The following CCDC178 variants were observed in gnomAD, a reference collection of about 807,000 sequenced individuals.
CCDC178 encodes the protein coiled-coil domain-containing protein 178.
A neutral mutation model predicts 117.4 loss-of-function variants in CCDC178; 126 were observed. The ratio of observed to expected loss-of-function variants is 1.07; its 90% CI spans 0.93 to 1.24. The LOEUF (loss-of-function observed/expected upper bound fraction) is 1.24. CCDC178 is among the 50% of genes most tolerant of loss of function. The pLI is 0.00. For synonymous variants in CCDC178, 283 were observed against 313.4 expected (o/e 0.90, Z 1.02); for missense variants, 1,030 against 986.9 (o/e 1.04, Z -0.59).
At chr18:33,128,111 T>C (rs1477051337) in intron 20 of CCDC178, among the ~76,000 whole-genome samples, 1 of 152,186 alleles carries the variant, frequency 6.6e-6, no homozygotes, top group Non-Finnish European at 1.5e-5. Flanking sequence ...TTTCTGGCAA[T>C]GAGCAGGAAG....
At chr18:33,115,628 G>A (rs1034968180) in intron 20 of CCDC178, among the ~76,000 whole-genome samples, 1 of 151,854 alleles carries the variant, frequency 6.6e-6, no homozygotes, top group Admixed American at 6.6e-5. Context: ...TACTTTACCT[G>A]TATGTCTAAA....
At chr18:33,054,506 C>T (rs1026116672) in intron 21 of CCDC178, among the ~76,000 whole-genome samples, 6 of 152,278 alleles carry the variant, frequency 3.9e-5, no homozygotes, top group African/African-American at 1.4e-4. Context: ...CCACTTACAA[C>T]TGAGAACATG....
chr18:33,431,148 C>T (rs1038361822), intron 2 of CCDC178, among the ~76,000 whole-genome samples: 2 of 146,600 alleles, frequency 1.4e-5, no homozygotes, highest in South Asian at 4.2e-4. Flanking sequence ...GTCCTCAAAA[C>T]CAAAAGAATG....
chr18:33,027,160 T>C (rs866719668), intron 21 of CCDC178, among the ~76,000 whole-genome samples: 3 of 151,776 alleles, frequency 2.0e-5, no homozygotes, highest in African/African-American at 4.8e-5. Flanking sequence ...AACATAATAA[T>C]TTGATTTTGA....
At chr18:33,426,120 G>A (rs2064121336) in intron 2 of CCDC178, among the ~76,000 whole-genome samples, 1 of 152,154 alleles carries the variant, frequency 6.6e-6, no homozygotes, top group Middle Eastern at 3.2e-3. Flanking sequence ...AGACTTAACT[G>A]AATTATTCTC....
At chr18:33,270,948 T>C (rs895555348) in intron 12 of CCDC178, among the ~76,000 whole-genome samples, 1 of 151,532 alleles carries the variant, frequency 6.6e-6, no homozygotes, top group South Asian at 2.1e-4. Flanking sequence ...ATATAATTTA[T>C]ACAATAGCAA....
Position 32,988,242 on chromosome 18 carries a change from C to G in CCDC178, c.2389-13561G>C, listed in dbSNP as rs2055310116. On this transcript the variant is annotated intron_variant, in intron 21 of 22. Transcript: ENST00000383096. Reference sequence around the variant, plus strand: ...ACTGAGGTCAGGGGTTCAAGACCAGCCTGGCCAACACGGTGAAACCCCGTC... The same window carrying G: ...ACTGAGGTCAGGGGTTCAAGACCAGGCTGGCCAACACGGTGAAACCCCGTC... Among the ~76,000 whole-genome samples, 4 of 152,030 alleles carry G rather than the reference C, an allele frequency of 2.6e-5. No homozygotes were observed. The South Asian group carries it at 8.3e-4, about 32-fold the overall frequency.
rs952260879 is a variant in CCDC178, at chr18:33,108,547, GAC to G, written c.2239-15639_2239-15638del. Among the ~76,000 whole-genome samples the G allele has an allele frequency of 2.0e-5, 3 of 151,582 alleles. No individual in the cohort carries two copies. The Admixed American group carries it at 2.0e-4, about 10-fold the overall frequency. On this transcript the variant is annotated intron_variant, in intron 20 of 22. Coordinates refer to ENST00000383096, the MANE Select transcript of CCDC178 (RefSeq NM_001105528.4). Reference sequence around the variant, plus strand: ...AGATTTGTTTGTGTCAACTATAACAGACAGACTAAACCATTATCCCTCCCTTA... The same window carrying G: ...AGATTTGTTTGTGTCAACTATAACAGAGACTAAACCATTATCCCTCCCTTA...
chr18:33,131,449 A>G (rs1328503646), intron 20 of CCDC178, among the ~76,000 whole-genome samples: 1 of 151,806 alleles, frequency 6.6e-6, no homozygotes, highest in Non-Finnish European at 1.5e-5. Flanking sequence ...AATAAAAGTG[A>G]CAATTTCAAA....
At chr18:33,405,530 G>C (rs1326513610) in intron 3 of CCDC178, among the ~76,000 whole-genome samples, 1 of 151,760 alleles carries the variant, frequency 6.6e-6, no homozygotes, top group East Asian at 1.9e-4. Context: ...ATGACAATTA[G>C]ATAATACATT....
intron 14 of CCDC178, among the ~76,000 whole-genome samples, chr18:33,262,883 A>G (rs1173728045): frequency 6.6e-6 from 1 of 152,230 alleles, no homozygotes; most frequent in East Asian, 1.9e-4. Flanking sequence ...ACTGCAAAAA[A>G]TGAGAGGAGG....
At chr18:33,068,156 C>A (rs1028873983) in intron 21 of CCDC178, among the ~76,000 whole-genome samples, 2 of 151,884 alleles carry the variant, frequency 1.3e-5, no homozygotes, top group Non-Finnish European at 2.9e-5. Flanking sequence ...TAATGAGTAA[C>A]AAGGTTGAAT....
At chr18:32,949,729 G>A (rs1777988242) in intron 22 of CCDC178, among the ~76,000 whole-genome samples, 1 of 151,952 alleles carries the variant, frequency 6.6e-6, no homozygotes, top group Non-Finnish European at 1.5e-5. Context: ...TCTCCTAATT[G>A]GTTGTACTTT....
At position 33,310,235 on chromosome 18, in the gene CCDC178, A is replaced by T. The variant is rs371226319; in HGVS notation, c.1022+13256T>A. On this transcript the variant is annotated intron_variant, in intron 11 of 22. Transcript: ENST00000383096. ...CGGCCTCCCAAAATGCTGGGATTAC[A>T]GGTGTGCACCACGCCTGGACAATGA... Among the ~76,000 whole-genome samples, 23 of 152,294 alleles carry T rather than the reference A, an allele frequency of 1.5e-4. 1 individual carries two copies. Among genetic ancestry groups the T allele is most frequent in the Admixed American group, 5.9e-4 (9 of 15,294 alleles).
At chr18:33,094,467 T>C (rs910149120) in intron 20 of CCDC178, among the ~76,000 whole-genome samples, 5 of 151,960 alleles carry the variant, frequency 3.3e-5, no homozygotes, top group Non-Finnish European at 7.4e-5. Flanking sequence ...GGCATCATTT[T>C]GAATTTTTTG....
intron 21 of CCDC178, among the ~76,000 whole-genome samples, chr18:33,030,919 G>C (rs1341570168): frequency 6.6e-6 from 1 of 152,130 alleles, no homozygotes; most frequent in Non-Finnish European, 1.5e-5. Context: ...GCATGGCTCA[G>C]TCCAAGCCTG....
At chr18:33,394,949 A>ATATC (rs2063613803) in intron 4 of CCDC178, among the ~76,000 whole-genome samples, 1 of 75,950 alleles carries the variant, frequency 1.3e-5, no homozygotes, top group African/African-American at 5.3e-5. Flanking sequence ...ATGTGTATAT[A>ATATC]TATATATATA....
In CCDC178 at chr18:33,223,197, T is replaced by C. The variant is rs1212933350; in HGVS notation, c.1841A>G (p.Gln614Arg). Residue 614 changes from glutamine (Q) to arginine (R), a missense_variant, in exon 18 of 23, where the codon CAG becomes CGG. By Grantham distance (43) the Gln-to-Arg change is conservative. Coordinates refer to ENST00000383096, the MANE Select transcript of CCDC178 (RefSeq NM_001105528.4). ...CACCTTTCTTCTAATAAGATCTTTC[T>C]GATCAATTATATTATTAAGCATCTA... ...HSVMLNNIID[Q>R]KDLIRRKVGK... is the part of the protein sequence containing the mutation. 2 of 1,603,604 alleles carry C rather than the reference T, an allele frequency of 1.2e-6. No individual in the cohort carries two copies. The highest frequency in any genetic ancestry group is 1.7e-6 in the Non-Finnish European group (2 of 1,175,010).
At position 33,344,721 on chromosome 18, in the gene CCDC178, CAG is replaced by C. The variant is rs538471810; in HGVS notation, c.658+1488_658+1489del. Among the ~76,000 whole-genome samples the C allele has an allele frequency of 3.8e-4, 58 of 151,242 alleles. 1 individual carries two copies. Among genetic ancestry groups the C allele is most frequent in the Non-Finnish European group, 7.4e-4 (50 of 67,878 alleles). ...TGTGCATGACTCCTGTTGTTGTGAA[CAG>C]AGTCTATCAAGAATCTACTGGGATC... On this transcript the variant is annotated intron_variant, in intron 9 of 22. Transcript: ENST00000383096.
Sources: gnomAD v4.1 joint callset for allele counts (sites outside exome capture counted in the v4.1 genomes callset) on GRCh38, gnomAD v4.1.1 for gene constraint, MANE v1.5 for transcripts, NCBI Gene and HGNC (gene_info 2026-07-23, HGNC 2026-07-21) for gene names.